The following LYPD5 variants were observed in gnomAD, a reference collection of about 807,000 sequenced individuals.
The protein encoded by LYPD5 is ly6/PLAUR domain-containing protein 5.
LYPD5 carries 21 observed loss-of-function variants against 19.1 expected under a neutral mutation model. The observed-to-expected ratio is 1.10, with a 90% CI of 0.78 to 1.58. The LOEUF (loss-of-function observed/expected upper bound fraction) is 1.58. Among genes scored for constraint, LYPD5 ranks in the 40% most tolerant of loss-of-function variants. LYPD5 has a pLI of 0.00. For missense variants in LYPD5, 287 were observed against 329.8 expected (o/e 0.87, Z 1.00); for synonymous variants, 128 against 142.7 (o/e 0.90, Z 0.74).
Position 43,799,179 on chromosome 19 carries a change from C to T in LYPD5, c.194-191G>A, listed in dbSNP as rs545578621. On this transcript the variant is annotated intron_variant, in intron 2 of 4. Transcript: ENST00000377950. Reference sequence around the variant, plus strand: ...TCCTCCACTCTTCCTCCCTGTGCGCCTCTCCCACCTTCTCTTCCTTGCTTC... The same window carrying T: ...TCCTCCACTCTTCCTCCCTGTGCGCTTCTCCCACCTTCTCTTCCTTGCTTC... 26 of 626,962 alleles carry T rather than the reference C, an allele frequency of 4.1e-5. No homozygotes were observed. In the African/African-American group the frequency reaches 4.2e-4, roughly 10 times the overall value. The allele number at this position is 626,962 out of a possible 1,614,324, so 38.8% of individuals were successfully genotyped here.
intron 1 of LYPD5, chr19:43,815,729 AT>A: frequency 2.4e-6 from 1 of 412,558 alleles, no homozygotes; most frequent in South Asian, 1.8e-5. Context: ...CCCATCTATT[AT>A]TTTTATTTTA....
intron 1 of LYPD5, among the ~76,000 whole-genome samples, chr19:43,812,405 CAGCT>C (rs1315571367): frequency 3.3e-5 from 5 of 150,032 alleles, no homozygotes; most frequent in South Asian, 2.1e-4. Context: ...TCCATCCATC[CAGCT>C]ATCTATCATC....
upstream of LYPD5, among the ~76,000 whole-genome samples, chr19:43,803,382 G>C (rs951784697): frequency 6.6e-6 from 1 of 152,234 alleles, no homozygotes; most frequent in African/African-American, 2.4e-5. Flanking sequence ...GGTTGGTGCT[G>C]AGGCAGAGAC....
rs1238861402 is a variant in LYPD5 at position 43,798,841 on chromosome 19, G to C, written c.341C>G (p.Thr114Ser). 1 of 1,611,080 alleles carries C rather than the reference G, an allele frequency of 6.2e-7. No homozygotes were observed. Among genetic ancestry groups the C allele is most frequent in the East Asian group, 2.2e-5 (1 of 44,736 alleles). ...TTDKCNAHLM[T>S]HDALPNLSQA... The stretch of plus-strand genomic sequence containing the variant: ...GCTCAGGTTGGGGAGGGCGTCATGA[G>C]TCATGAGGTGGGCGTTGCATTTGTC... The change falls in exon 3 of 5, where the codon ACT (threonine) becomes AGT (serine). Residue 114 changes from threonine (T) to serine (S), a missense_variant. Physicochemically the swap from Thr to Ser is moderately conservative, Grantham distance 58 (BLOSUM62 1). Coordinates refer to ENST00000377950, the MANE Select transcript of LYPD5 (RefSeq NM_001031749.3).
At chr19:43,798,091 C>T (rs1970158967) in intron 4 of LYPD5, among the ~76,000 whole-genome samples, 8 of 122,076 alleles carry the variant, frequency 6.6e-5, no homozygotes, top group South Asian at 3.3e-4. Context: ...GGTTATGCCT[C>T]CTCCCTCAGA....
rs111461643 is a variant in LYPD5, at chr19:43,816,032, CTCTATCTATCTATCTA to C, written c.-66+4492_-66+4507del. Among the ~76,000 whole-genome samples, 399 of 147,846 alleles carry C rather than the reference CTCTATCTATCTATCTA, an allele frequency of 2.7e-3. 6 individuals carry two copies. The highest frequency in any genetic ancestry group is 8.8e-3 in the African/African-American group (348 of 39,376). On this transcript the variant is annotated intron_variant, in intron 1 of 4. Transcript: ENST00000414615. ...TCCAGGTGTGAGCCACCACGCCCCA[CTCTATCTATCTATCTA>C]TCTATCTATCTATCTATCTATCTAT... is the stretch of plus-strand genomic sequence containing the variant.
intron 1 of LYPD5, chr19:43,815,670 T>C (rs1338194452): frequency 4.0e-6 from 1 of 247,358 alleles, no homozygotes; most frequent in Admixed American, 5.0e-5. Context: ...GATTTATATA[T>C]GTATCATATA....
At chr19:43,799,401 G>A (rs547749544) in intron 2 of LYPD5, among the ~76,000 whole-genome samples, 1 of 152,070 alleles carries the variant, frequency 6.6e-6, no homozygotes, top group East Asian at 1.9e-4. Flanking sequence ...CCGCCACCAC[G>A]CCCAGCTAAC....
chr19:43,803,517 A>G (rs1970245626), upstream of LYPD5, among the ~76,000 whole-genome samples: 1 of 152,160 alleles, frequency 6.6e-6, no homozygotes, highest in Non-Finnish European at 1.5e-5. Context: ...AGAGTCTCAG[A>G]CCCACATCTG....
chr19:43,815,939 G>C (rs958681604), intron 1 of LYPD5, among the ~76,000 whole-genome samples: 1 of 152,072 alleles, frequency 6.6e-6, no homozygotes. Context: ...TCACCATGTT[G>C]GCCAGGCTGG....
intron 1 of LYPD5, among the ~76,000 whole-genome samples, chr19:43,807,512 G>A (rs1403590700): frequency 1.3e-5 from 2 of 152,176 alleles, no homozygotes; most frequent in South Asian, 2.1e-4. Flanking sequence ...TCGAACTCCT[G>A]ATCTCAGGTG....
At chr19:43,802,449 A>C, upstream of LYPD5, 1 of 1,438,228 alleles carries the variant, frequency 7.0e-7, no homozygotes, top group African/African-American at 1.4e-5. Flanking sequence ...CTCCTTACTG[A>C]GTCCTAAGCA....
chr19:43,802,484 AT>A (rs1218845310), upstream of LYPD5: 1 of 1,040,164 alleles, frequency 9.6e-7, no homozygotes, highest in African/African-American at 1.6e-5. Context: ...CCTGGCCAGT[AT>A]TTCTTCGTCC....
At chr19:43,818,380 T>A (rs1462472564) in intron 1 of LYPD5, among the ~76,000 whole-genome samples, 1 of 152,196 alleles carries the variant, frequency 6.6e-6, no homozygotes, top group Non-Finnish European at 1.5e-5. Flanking sequence ...TGTATGAAGG[T>A]CTTACTGAGC....
At chr19:43,799,569 C>T in intron 2 of LYPD5, 137 bp downstream of exon 2, 1 of 1,002,114 alleles carries the variant, frequency 1.0e-6, no homozygotes. Flanking sequence ...TTTTCTTCCT[C>T]CTCTTCTTCC....
intron 1 of LYPD5, among the ~76,000 whole-genome samples, chr19:43,800,943 G>A (rs1213256958): frequency 7.6e-6 from 1 of 131,822 alleles, no homozygotes; most frequent in East Asian, 2.3e-4. Context: ...CCTGGGCGGC[G>A]ACAGAGGGAG....
At chr19:43,802,849 C>T (rs981849671), upstream of LYPD5, among the ~76,000 whole-genome samples, 1 of 152,164 alleles carries the variant, frequency 6.6e-6, no homozygotes, top group African/African-American at 2.4e-5. Flanking sequence ...TCCACACACC[C>T]TCAGCCTCCA....
chr19:43,799,003 G>C lies in LYPD5; in HGVS notation c.194-15C>G, dbSNP rs747821882. The C allele has an allele frequency of 1.3e-6, 2 of 1,551,446 alleles. No homozygotes were observed. The highest frequency in any genetic ancestry group is 2.7e-5 in the African/African-American group (2 of 73,742). ...CGCGCGATACCCTGGGGGCGGGATCGGGGCTCGTGCTCTGCTTCCCGAAAC... is the reference window on the plus strand; with the variant it reads ...CGCGCGATACCCTGGGGGCGGGATCCGGGCTCGTGCTCTGCTTCCCGAAAC... On this transcript the variant is annotated splice_polypyrimidine_tract_variant and intron_variant, in intron 2 of 4. Transcript: ENST00000377950.
At chr19:43,816,919 A>C (rs949000872) in intron 1 of LYPD5, among the ~76,000 whole-genome samples, 6 of 152,108 alleles carry the variant, frequency 3.9e-5, no homozygotes, top group African/African-American at 1.4e-4. Context: ...GCCATGTAAG[A>C]TGTCTCTTTG....
Sources: gnomAD v4.1 joint callset for allele counts (sites outside exome capture counted in the v4.1 genomes callset) on GRCh38, gnomAD v4.1.1 for gene constraint, MANE v1.5 for transcripts, NCBI Gene and HGNC (gene_info 2026-07-23, HGNC 2026-07-21) for gene names.